The following ANK3 variants were observed in gnomAD, a reference collection of about 807,000 sequenced individuals.
ANK3 encodes ankyrin-3.
Under a neutral mutation model 370.9 loss-of-function variants are expected in ANK3, and 57 were observed. The observed-to-expected ratio is 0.15, with a 90% confidence interval of 0.12 to 0.19. The LOEUF is 0.19. Among genes scored for constraint, ANK3 ranks in the 10% least tolerant of loss-of-function variants. The pLI, the probability that ANK3 is intolerant of heterozygous loss-of-function variation, is 1.00. For missense variants in ANK3, 4,439 were observed against 5,302.1 expected (o/e 0.84, Z 5.06); for synonymous variants, 1,929 against 1,946.3 (o/e 0.99, Z 0.23).
At chr10:60,280,510 G>T (rs986318467) in intron 1 of ANK3, among the ~76,000 whole-genome samples, 5 of 152,168 alleles carry the variant, frequency 3.3e-5, no homozygotes, top group Non-Finnish European at 5.9e-5. Context: ...CTCATTGAAA[G>T]CTTGCAACAT....
chr10:60,064,672 G>GCAA (rs56412726), intron 38 of ANK3, among the ~76,000 whole-genome samples: 40,444 of 146,052 alleles, frequency 0.28, 6,090 homozygotes, highest in South Asian at 0.38. Context: ...CATACACACA[G>GCAA]CAACAACAAC....
At chr10:60,216,680 A>G (rs2096942543) in intron 8 of ANK3, among the ~76,000 whole-genome samples, 1 of 152,152 alleles carries the variant, frequency 6.6e-6, no homozygotes, top group Non-Finnish European at 1.5e-5. Context: ...TATTTTACTG[A>G]GGATTTTCTC....
intron 1 of ANK3, among the ~76,000 whole-genome samples, chr10:60,638,985 T>C: frequency 6.6e-6 from 1 of 152,004 alleles, no homozygotes; most frequent in East Asian, 1.9e-4. Context: ...CTGAAAATTT[T>C]CCAAATTTGA....
At chr10:60,331,159 T>C (rs2051174213) in intron 1 of ANK3, among the ~76,000 whole-genome samples, 1 of 152,092 alleles carries the variant, frequency 6.6e-6, no homozygotes, top group African/African-American at 2.4e-5. Flanking sequence ...GAGAAATACC[T>C]AATGTAGATG....
chr10:60,683,625 C>A (rs1215320180), intron 1 of ANK3, among the ~76,000 whole-genome samples: 1 of 152,202 alleles, frequency 6.6e-6, no homozygotes, highest in South Asian at 2.1e-4. Context: ...TTATAGACAG[C>A]AAAATCCACC....
At chr10:60,218,509 T>C (rs911884426) in intron 8 of ANK3, among the ~76,000 whole-genome samples, 5 of 152,210 alleles carry the variant, frequency 3.3e-5, no homozygotes, top group African/African-American at 1.2e-4. Flanking sequence ...TTTGCTTGTC[T>C]GTAAAGGATT....
chr10:60,338,438 A>C (rs1369729477), intron 1 of ANK3, among the ~76,000 whole-genome samples: 1 of 152,176 alleles, frequency 6.6e-6, no homozygotes, highest in Non-Finnish European at 1.5e-5. Context: ...GGTGATGCTG[A>C]TGCTGCTGGC....
intron 28 of ANK3, among the ~76,000 whole-genome samples, chr10:60,101,622 G>C (rs530701336): frequency 7.2e-5 from 11 of 152,256 alleles, no homozygotes; most frequent in Admixed American, 2.6e-4. Context: ...TGATACCTTA[G>C]TGGTGATGGC....
At chr10:60,687,912 C>T (rs553503184) in intron 1 of ANK3, among the ~76,000 whole-genome samples, 2 of 152,256 alleles carry the variant, frequency 1.3e-5, no homozygotes, top group East Asian at 1.9e-4. Context: ...TAGGCAACAA[C>T]ATGGATGGGC....
intron 2 of ANK3, among the ~76,000 whole-genome samples, chr10:60,469,073 A>ATATATATATATATACCACTTTTAGAG (rs1567066453): frequency 4.5e-5 from 1 of 22,436 alleles, no homozygotes; most frequent in African/African-American, 1.6e-4. Context: ...TAGTATATAT[A>ATATATATATATATACCACTTTTAGAG]TATATATATA....
chr10:60,246,839 T>G (rs548440936), intron 7 of ANK3, among the ~76,000 whole-genome samples: 2 of 152,068 alleles, frequency 1.3e-5, no homozygotes, highest in Non-Finnish European at 2.9e-5. Flanking sequence ...ATTTAAAGAT[T>G]CCCACACCTG....
chr10:60,236,261 C>T (rs2097332041), intron 7 of ANK3, among the ~76,000 whole-genome samples: 1 of 150,168 alleles, frequency 6.7e-6, no homozygotes, highest in Non-Finnish European at 1.5e-5. Context: ...ATGAGGACAT[C>T]TCAAAAAATC....
At chr10:60,226,986 A>G (rs2097173979) in intron 8 of ANK3, among the ~76,000 whole-genome samples, 2 of 150,568 alleles carry the variant, frequency 1.3e-5, no homozygotes, top group Admixed American at 6.6e-5. Context: ...CATATTTCCT[A>G]CTCCTAGCTG....
chr10:60,109,882 G>T (rs1406407193), intron 26 of ANK3, among the ~76,000 whole-genome samples: 2 of 152,150 alleles, frequency 1.3e-5, no homozygotes, highest in East Asian at 1.9e-4. Flanking sequence ...TATCACATAT[G>T]CATGGTCCCA....
rs530162208 is a variant in ANK3, at chr10:60,614,803, A to G, written c.96+383T>C. On this transcript the variant is annotated intron_variant, in intron 2 of 43. Coordinates refer to the ANK3 transcript ENST00000373827. ...GTAGACTTTTCGGTTTAGCTAAATC[A>G]AACATTTAATTTTCATGGCATTATC... Among the ~76,000 whole-genome samples the G allele has an allele frequency of 1.2e-4, 19 of 152,332 alleles. No individual in the cohort carries two copies. The East Asian group carries it at 3.7e-3, about 29-fold the overall frequency.
In ANK3 at chr10:60,036,864, G is replaced by C. The variant is rs2075119638; in HGVS notation, c.*19+5808C>G. On this transcript the variant is annotated intron_variant, in intron 43 of 43. Transcript: ENST00000280772. ...CTGGTATTCAATACCCATTTCTTTT[G>C]TGATGATTCCCACATTTTTATATGC... 2.6e-5 allele frequency among the ~76,000 whole-genome samples: 4 copies of C among 152,032 alleles called. No homozygotes were observed. In the South Asian group the frequency reaches 8.3e-4, roughly 32 times the overall value.
At chr10:60,172,109 A>C (rs1591222354) in intron 21 of ANK3, among the ~76,000 whole-genome samples, 199 bp downstream of exon 21, 1 of 152,240 alleles carries the variant, frequency 6.6e-6, no homozygotes, top group African/African-American at 2.4e-5. Context: ...TCTTTTAAAT[A>C]GGTATTCTTA....
intron 14 of ANK3, among the ~76,000 whole-genome samples, chr10:60,197,422 A>G (rs1418186580): frequency 6.6e-6 from 1 of 152,172 alleles, no homozygotes; most frequent in East Asian, 1.9e-4. Flanking sequence ...GGTCATCAGC[A>G]CATTTGACCT....
chr10:60,563,890 A>C (rs2133253616), intron 2 of ANK3, among the ~76,000 whole-genome samples: 1 of 152,310 alleles, frequency 6.6e-6, no homozygotes, highest in East Asian at 1.9e-4. Flanking sequence ...AGGTGATATT[A>C]TACTACAGGT....
Sources: gnomAD v4.1 joint callset for allele counts (sites outside exome capture counted in the v4.1 genomes callset) on GRCh38, gnomAD v4.1.1 for gene constraint, MANE v1.5 for transcripts, NCBI Gene and HGNC (gene_info 2026-07-23, HGNC 2026-07-21) for gene names.